Variants in TACC2 observed in about 807,000 individuals in gnomAD.
TACC2 encodes the protein transforming acidic coiled-coil-containing protein 2.
A neutral mutation model predicts 227.3 loss-of-function variants in TACC2; 137 were observed. That is an observed-to-expected ratio of 0.60 (90% CI 0.52 to 0.69). The LOEUF (loss-of-function observed/expected upper bound fraction) is 0.69. Ranked by LOEUF, TACC2 falls within the 30% of genes least tolerant of loss-of-function variation. The pLI is 0.00. For missense variants in TACC2, 3,470 were observed against 3,694.4 expected (o/e 0.94, Z 1.57); for synonymous variants, 1,523 against 1,487.5 (o/e 1.02, Z -0.55).
At chr10:122,216,042 C>T (rs1247998629) in intron 10 of TACC2, among the ~76,000 whole-genome samples, 1 of 152,184 alleles carries the variant, frequency 6.6e-6, no homozygotes, top group Non-Finnish European at 1.5e-5. Context: ...AGACCTGCCA[C>T]CCCTCCAAAT....
chr10:122,088,523 G>C lies in TACC2; in HGVS notation c.5505G>C (p.Lys1835Asn). The part of the protein sequence containing the change: ...PGPSMLPSVP[K>N]KDAPRVMDKV... Reference sequence around the variant, plus strand: ...CATCCATGTTACCTTCGGTTCCTAAGAAGGATGCTCCAAGAGTCATGGATA... The same window carrying C: ...CATCCATGTTACCTTCGGTTCCTAACAAGGATGCTCCAAGAGTCATGGATA... Residue 1835 changes from lysine (K) to asparagine (N), a missense_variant, in exon 5 of 23, where the codon AAG becomes AAC. Physicochemically the swap from Lys to Asn is moderately conservative, Grantham distance 94. This residue lies in a region of TACC2 where 1,924 missense variants were observed against 1,978.3 expected (regional missense o/e 0.97). Transcript: ENST00000369005. 1 of 1,613,928 alleles carries C rather than the reference G, an allele frequency of 6.2e-7. No homozygotes were observed. The highest frequency in any genetic ancestry group is 1.1e-5 in the South Asian group (1 of 90,968).
At chr10:121,999,093 C>T (rs548156514) in intron 1 of TACC2, among the ~76,000 whole-genome samples, 2 of 151,514 alleles carry the variant, frequency 1.3e-5, no homozygotes, top group East Asian at 3.9e-4. Flanking sequence ...ACTGCAAGCT[C>T]CGCCTCCCAG....
In TACC2 at chr10:122,085,499, C is replaced by G. The variant is rs754393114; in HGVS notation, c.2999C>G (p.Ala1000Gly). 6.2e-7 allele frequency: 1 copy of G among 1,613,610 alleles called. No homozygotes were observed. The highest frequency in any genetic ancestry group is 8.5e-7 in the Non-Finnish European group (1 of 1,180,056). The stretch of plus-strand genomic sequence containing the variant: ...AAGTCTCAACAGGCATTGGCTGATG[C>G]CTTGGAAGAAGGCAGCCAGCATGAA... ...PNKSQQALAD[A>G]LEEGSQHEEA... is the part of the protein sequence containing the mutation. Residue 1000 changes from alanine (A) to glycine (G), a missense_variant, in exon 4 of 23, where the codon GCC (alanine) becomes GGC (glycine). By Grantham distance (60) the Ala-to-Gly change is moderately conservative (BLOSUM62 0). Transcript: ENST00000369005.
At chr10:122,143,829 C>A in intron 7 of TACC2, 123 bp downstream of exon 7, 1 of 1,105,384 alleles carries the variant, frequency 9.0e-7, no homozygotes, top group South Asian at 1.6e-5. Context: ...CCATTTGGCC[C>A]CGTGAGACCA....
chr10:122,040,786 A>G (rs1362865434), intron 2 of TACC2, among the ~76,000 whole-genome samples: 2 of 152,194 alleles, frequency 1.3e-5, no homozygotes, highest in Non-Finnish European at 2.9e-5. Flanking sequence ...ACTGTGATCA[A>G]TGCTATGAAG....
rs1288294653 is a variant in TACC2, at chr10:122,227,869, A to G, written c.7757A>G (p.Asn2586Ser). ...TTTGAAGAGACTGAAGCCCTTGTGAACACTGCTGCGAAAAACCAGCATCCT... is the reference window on the plus strand; with the variant it reads ...TTTGAAGAGACTGAAGCCCTTGTGAGCACTGCTGCGAAAAACCAGCATCCT... ...SSFEETEALV[N>S]TAAKNQHPVP... Residue 2586 changes from asparagine to serine, a missense_variant, in exon 14 of 23, where the codon AAC (asparagine) becomes AGC (serine). Coordinates refer to ENST00000369005, the MANE Select transcript of TACC2 (RefSeq NM_206862.4). 2 of 1,614,058 alleles carry G rather than the reference A, an allele frequency of 1.2e-6. 1 individual carries two copies. The highest frequency in any genetic ancestry group is 2.7e-5 in the African/African-American group (2 of 74,938).
At chr10:122,002,945 G>C (rs564502448) in intron 1 of TACC2, among the ~76,000 whole-genome samples, 6 of 152,208 alleles carry the variant, frequency 3.9e-5, no homozygotes, top group Non-Finnish European at 4.4e-5. Context: ...GCTCACACCT[G>C]TAATCCCAGC....
At chr10:122,225,966 C>T (rs2095619967) in intron 12 of TACC2, among the ~76,000 whole-genome samples, 1 of 152,210 alleles carries the variant, frequency 6.6e-6, no homozygotes, top group Non-Finnish European at 1.5e-5. Flanking sequence ...CCTGCCCCTG[C>T]CCTGGGCTCA....
intron 4 of TACC2, 50 bp downstream of exon 4, chr10:122,088,009 T>C (rs2080276957): frequency 6.8e-7 from 1 of 1,469,180 alleles, no homozygotes; most frequent in Non-Finnish European, 9.0e-7. Flanking sequence ...GTTTCAAAGG[T>C]GATTCCCAGC....
Position 122,085,627 on chromosome 10 carries a change from GCC to G in TACC2, c.3130_3131del (p.Pro1044ThrfsTer5), listed in dbSNP as rs747878043. The G allele has an allele frequency of 1.2e-6, 2 of 1,613,372 alleles. No homozygotes were observed. The highest frequency in any genetic ancestry group is 1.7e-6 in the Non-Finnish European group (2 of 1,180,034). ...GATGGCAAGTGGAAACACAGGGGAG[GCC>G]CCACCTTGTCAGCCTGACTCAGTAG... ...REMASGNTGEAPPCQPDSVAL... is the reference protein window; with the variant it reads ...REMASGNTGEXPPCQPDSVAL... On this transcript the variant is annotated frameshift_variant, in exon 4 of 23. Transcript: ENST00000369005. LOFTEE classifies it high-confidence loss of function.
At chr10:122,126,578 T>C (rs1320062946) in intron 5 of TACC2, 2 of 152,202 alleles carry the variant, frequency 1.3e-5, no homozygotes, top group African/African-American at 4.8e-5. Context: ...TCCTCTCTGA[T>C]TGTGAGAACC....
Position 122,084,993 on chromosome 10 carries a change from G to A in TACC2, c.2493G>A (p.Gln831=). The change falls in exon 4 of 23, where the codon CAG becomes CAA. Residue 831 remains glutamine, a synonymous_variant. Coordinates refer to ENST00000369005, the MANE Select transcript of TACC2 (RefSeq NM_206862.4). The stretch of plus-strand genomic sequence containing the variant: ...TACTATCTTCTGAGAAGCATCTCCA[G>A]CCATCCCAGGCACAACCAGAGACAT... The part of the protein sequence containing the change: ...WPLLSSEKHL[Q]PSQAQPETSI... The A allele has an allele frequency of 1.2e-6, 2 of 1,614,170 alleles. No homozygotes were observed. The highest frequency in any genetic ancestry group is 1.7e-6 in the Non-Finnish European group (2 of 1,180,016).
intron 7 of TACC2, among the ~76,000 whole-genome samples, chr10:122,171,053 C>CT (rs1329629054): frequency 4.6e-5 from 2 of 43,840 alleles, no homozygotes; most frequent in African/African-American, 2.5e-4. Context: ...AATAGATTTC[C>CT]TTTGTTCCTG....
At chr10:122,138,860 G>A (rs1051742500) in intron 6 of TACC2, among the ~76,000 whole-genome samples, 8 of 152,184 alleles carry the variant, frequency 5.3e-5, no homozygotes, top group Admixed American at 2.0e-4. Flanking sequence ...TGCTTCTTGA[G>A]CTGCTTTATC....
At chr10:122,234,248 G>A (rs2095815079) in intron 16 of TACC2, among the ~76,000 whole-genome samples, 1 of 152,254 alleles carries the variant, frequency 6.6e-6, no homozygotes, top group Non-Finnish European at 1.5e-5. Context: ...CTGCCAGCAG[G>A]AAGGACCCCA....
At chr10:122,124,172 A>C (rs2086382456) in intron 5 of TACC2, among the ~76,000 whole-genome samples, 1 of 152,180 alleles carries the variant, frequency 6.6e-6, no homozygotes, top group African/African-American at 2.4e-5. Flanking sequence ...TTTTATGTGC[A>C]AGGCATGCAG....
At chr10:122,119,042 G>T (rs2085238027) in intron 5 of TACC2, among the ~76,000 whole-genome samples, 1 of 151,798 alleles carries the variant, frequency 6.6e-6, no homozygotes, top group South Asian at 2.1e-4. Flanking sequence ...CAGTTTGGTG[G>T]TAAGTATATT....
intron 1 of TACC2, among the ~76,000 whole-genome samples, chr10:122,008,264 A>ATTTTTTT (rs71022877): frequency 3.7e-5 from 5 of 134,650 alleles, no homozygotes; most frequent in African/African-American, 1.1e-4. Context: ...TATTATTATT[A>ATTTTTTT]TTTTTTTTTT....
intron 2 of TACC2, among the ~76,000 whole-genome samples, chr10:122,036,970 G>T (rs1259555804): frequency 1.3e-5 from 2 of 152,032 alleles, no homozygotes; most frequent in African/African-American, 4.8e-5. Flanking sequence ...TTGTTTGTTT[G>T]TTTTTTAAAT....
Sources: gnomAD v4.1 joint callset for allele counts (sites outside exome capture counted in the v4.1 genomes callset) on GRCh38, gnomAD v4.1.1 for gene constraint, gnomAD v4.1.1 regional missense constraint, MANE v1.5 for transcripts, NCBI Gene and HGNC (gene_info 2026-07-23, HGNC 2026-07-21) for gene names.